The following XRN1 variants were observed in gnomAD, a reference collection of about 807,000 sequenced individuals.
XRN1 encodes the protein 5'-3' exoribonuclease 1, also known as strand-exchange protein 1 homolog.
In XRN1, 67 loss-of-function variants were observed where a neutral mutation model predicts 222.3. That is an observed-to-expected ratio of 0.30 (90% confidence interval 0.25 to 0.37). The LOEUF (loss-of-function observed/expected upper bound fraction) is 0.37, where lower values mean the gene tolerates loss of function less well. Ranked by LOEUF, XRN1 falls within the 10% of genes least tolerant of loss-of-function variation. XRN1 has a pLI of 1.00. For missense variants in XRN1, 1,707 were observed against 2,000.2 expected (o/e 0.85, Z 2.80); for synonymous variants, 643 against 652.4 (o/e 0.99, Z 0.22).
intron 2 of XRN1, among the ~76,000 whole-genome samples, chr3:142,427,900 A>G (rs1056596370): frequency 6.6e-6 from 1 of 152,192 alleles, no homozygotes; most frequent in African/African-American, 2.4e-5. Context: ...ACACAATTCT[A>G]TTTCTGTGAT....
intron 29 of XRN1, among the ~76,000 whole-genome samples, chr3:142,360,809 G>T (rs1007387936): frequency 3.4e-5 from 5 of 146,210 alleles, no homozygotes; most frequent in Admixed American, 2.8e-4. Flanking sequence ...GGGAGGTGGA[G>T]CTTGCAGTGA....
intron 40 of XRN1, 133 bp downstream of exon 40, chr3:142,312,465 A>G (rs2065102001): frequency 1.2e-6 from 1 of 843,218 alleles, no homozygotes; most frequent in African/African-American, 1.7e-5. Flanking sequence ...CTTGTCAACC[A>G]TTGCCTTCTT....
chr3:142,432,242 A>ATT (rs2069658458), intron 2 of XRN1, among the ~76,000 whole-genome samples: 1 of 108,202 alleles, frequency 9.2e-6, no homozygotes, highest in African/African-American at 4.8e-5. Flanking sequence ...TATATATATA[A>ATT]AATTTATTTT....
At position 142,329,588 on chromosome 3, in the gene XRN1, G is replaced by T; in HGVS notation, c.4250C>A (p.Ala1417Asp). 6.4e-7 allele frequency: 1 copy of T among 1,552,190 alleles called. No individual in the cohort carries two copies. Among genetic ancestry groups the T allele is most frequent in the African/African-American group, 1.4e-5 (1 of 70,744 alleles). ...AGACTGAACATTATGGTACTCATTA[G>T]CACTGTGAGGCTTGTTCATATAAGA... ...LASYMNKPHS[A>D]NEYHNVQSMD... is the part of the protein sequence containing the mutation. Residue 1417 changes from alanine (A) to aspartate (D), a missense_variant, in exon 37 of 41, where the codon GCT becomes GAT. Coordinates refer to ENST00000392981, the MANE Select transcript of XRN1 (RefSeq NM_001282857.2).
At chr3:142,420,910 A>G (rs1159720288) in intron 10 of XRN1, 106 bp downstream of exon 10, 1 of 1,456,116 alleles carries the variant, frequency 6.9e-7, no homozygotes, top group East Asian at 2.3e-5. Flanking sequence ...AGGAAGAGAA[A>G]TAAAACGAGG....
chr3:142,326,559 G>C (rs1476611295), intron 37 of XRN1, among the ~76,000 whole-genome samples: 1 of 151,920 alleles, frequency 6.6e-6, no homozygotes, highest in Non-Finnish European at 1.5e-5. Flanking sequence ...CTAAATATAA[G>C]ATTATATTGT....
chr3:142,442,299 A>C (rs536201932), intron 1 of XRN1, among the ~76,000 whole-genome samples: 16 of 152,330 alleles, frequency 1.1e-4, no homozygotes, highest in East Asian at 3.9e-4. Flanking sequence ...TGCCGGGGTC[A>C]TCAGAAAGGA....
At chr3:142,347,434 T>G in intron 32 of XRN1, 92 bp from the exon 33 acceptor site, 1 of 836,078 alleles carries the variant, frequency 1.2e-6, no homozygotes, top group Non-Finnish European at 1.7e-6. Flanking sequence ...TTTATAAAAA[T>G]TATATAGTTC....
At chr3:142,417,016 GA>G (rs11291353) in intron 13 of XRN1, 123 bp downstream of exon 13, 165,561 of 308,662 alleles carry the variant, frequency 0.54, 30,184 homozygotes, top group Admixed American at 0.67. Flanking sequence ...GCAACAGAGT[GA>G]AAAAAAAAAA....
At chr3:142,399,178 T>C (rs981058178) in intron 19 of XRN1, among the ~76,000 whole-genome samples, 2 of 133,830 alleles carry the variant, frequency 1.5e-5, no homozygotes, top group African/African-American at 5.6e-5. Context: ...TTTGGAGATA[T>C]AGGAAAATTA....
chr3:142,395,640 G>C (rs1178308883), intron 20 of XRN1, among the ~76,000 whole-genome samples: 3 of 152,174 alleles, frequency 2.0e-5, no homozygotes, highest in Admixed American at 6.5e-5. Flanking sequence ...ACCCACTCTA[G>C]TTTGGCTTTC....
At chr3:142,352,826 T>C (rs1247169360) in intron 32 of XRN1, among the ~76,000 whole-genome samples, 5 of 152,142 alleles carry the variant, frequency 3.3e-5, no homozygotes, top group African/African-American at 1.2e-4. Context: ...GTATTGTTTG[T>C]AGAGATGGGG....
intron 23 of XRN1, 152 bp downstream of exon 23, chr3:142,379,930 C>T (rs2067252626): frequency 1.6e-6 from 1 of 629,554 alleles, no homozygotes; most frequent in African/African-American, 1.8e-5. Context: ...AGATTCCACA[C>T]TTATTTTTAA....
At chr3:142,390,061 T>C (rs2067660225) in intron 20 of XRN1, among the ~76,000 whole-genome samples, 2 of 152,222 alleles carry the variant, frequency 1.3e-5, no homozygotes, top group African/African-American at 2.4e-5. Context: ...ACTTAACATA[T>C]TCAGTAAACC....
chr3:142,406,245 C>G lies in XRN1; in HGVS notation c.1714-1169G>C, dbSNP rs9808996. On this transcript the variant is annotated intron_variant, in intron 15 of 40. Transcript: ENST00000392981. The stretch of plus-strand genomic sequence containing the variant: ...TTTTGACAAGGTTGCCAAGAACACA[C>G]AACAGGGCAAGGATTGCCTCTTCAA... Among the ~76,000 whole-genome samples, 928 of 152,270 alleles carry G rather than the reference C, an allele frequency of 6.1e-3. 8 individuals carry two copies. Among genetic ancestry groups the G allele is most frequent in the African/African-American group, 0.021 (857 of 41,562 alleles).
chr3:142,383,946 AT>A (rs376315197), intron 21 of XRN1, among the ~76,000 whole-genome samples: 5 of 152,074 alleles, frequency 3.3e-5, no homozygotes, highest in Admixed American at 1.3e-4. Context: ...TAATGGTGGG[AT>A]TTTTTCTTTT....
At chr3:142,366,288 T>C (rs1363928305) in intron 27 of XRN1, among the ~76,000 whole-genome samples, 2 of 152,206 alleles carry the variant, frequency 1.3e-5, no homozygotes, top group Non-Finnish European at 2.9e-5. Flanking sequence ...CTTTAGAACA[T>C]AGCTTATGGG....
intron 37 of XRN1, among the ~76,000 whole-genome samples, chr3:142,319,601 T>C (rs111762575): frequency 0.012 from 1,895 of 152,252 alleles, 45 homozygotes; most frequent in African/African-American, 0.042. Context: ...GTATGGACTT[T>C]AGTGTACCCA....
At chr3:142,328,706 TATATATATATATATA>T (rs2065595097) in intron 37 of XRN1, among the ~76,000 whole-genome samples, 4 of 1,758 alleles carry the variant, frequency 2.3e-3, no homozygotes, top group Non-Finnish European at 0.018. Context: ...TGTAATATTA[TATATATATATATATA>T]TATATATATA....
Sources: allele counts gnomAD v4.1 joint callset (sites outside exome capture counted in the v4.1 genomes callset), GRCh38; gene constraint gnomAD v4.1.1; transcripts MANE v1.5; gene names NCBI Gene and HGNC (gene_info 2026-07-23, HGNC 2026-07-21).